SLC9A9: variants seen among roughly 807,000 people sequenced by gnomAD.
The protein encoded by SLC9A9 is sodium/hydrogen exchanger 9.
SLC9A9 carries 62 observed loss-of-function variants against 77.8 expected under a neutral mutation model. The ratio of observed to expected loss-of-function variants is 0.80; its 90% CI spans 0.65 to 0.98. SLC9A9 has a LOEUF of 0.98. Among genes scored for constraint, SLC9A9 ranks in the 50% least tolerant of loss-of-function variants. The probability of loss-of-function intolerance (pLI) is 0.00; values close to 1 mark genes in which losing one functional copy is unlikely to be tolerated. For missense variants in SLC9A9, 775 were observed against 774.9 expected, an observed-to-expected ratio of 1.00 and a Z score of 0.00; for synonymous variants, 320 against 283.5, an observed-to-expected ratio of 1.13 and a Z score of -1.29.
chr3:143,627,020 G>A lies in SLC9A9; in HGVS notation c.755+25235C>T, dbSNP rs147146314. On this transcript the variant is annotated intron_variant, in intron 6 of 15. Transcript: ENST00000316549. ...CCCAAGTAGCTGGGACTACAGGCGT[G>A]CACCACCATGCCTGGCTAATTTTTG... Among the ~76,000 whole-genome samples the A allele has an allele frequency of 4.6e-3, 695 of 151,978 alleles. 2 individuals carry two copies. Among genetic ancestry groups the A allele is most frequent in the African/African-American group, 0.016 (669 of 41,450 alleles).
rs189182339 is a variant in SLC9A9 at position 143,500,868 on chromosome 3, A to G, written c.1090-5420T>C. 2.0e-5 allele frequency among the ~76,000 whole-genome samples: 3 copies of G among 150,588 alleles called. No individual in the cohort carries two copies. In the East Asian group the frequency reaches 5.8e-4, roughly 29 times the overall value. On this transcript the variant is annotated intron_variant, in intron 9 of 15. Coordinates refer to ENST00000316549, the MANE Select transcript of SLC9A9 (RefSeq NM_173653.4). ...AAAATTTGCATTTTATTGTACCACA[A>G]TAAAAATGTATACAATTTAGAACAA...
intron 14 of SLC9A9, among the ~76,000 whole-genome samples, chr3:143,294,774 C>T (rs2030176335): frequency 6.6e-6 from 1 of 152,178 alleles, no homozygotes; most frequent in Non-Finnish European, 1.5e-5. Flanking sequence ...AAATTACTTG[C>T]TTAAGGTCAC....
chr3:143,497,044 T>A (rs2035847700), intron 9 of SLC9A9, among the ~76,000 whole-genome samples: 1 of 152,226 alleles, frequency 6.6e-6, no homozygotes, highest in Non-Finnish European at 1.5e-5. Flanking sequence ...TCTATTATCA[T>A]GATCTAACTC....
chr3:143,379,084 AAC>A (rs1290236088), intron 13 of SLC9A9, among the ~76,000 whole-genome samples: 21 of 151,750 alleles, frequency 1.4e-4, no homozygotes, highest in African/African-American at 4.6e-4. Context: ...TATAATCAGT[AAC>A]AGCTATAACT....
chr3:143,758,825 C>T (rs2007016820), intron 4 of SLC9A9, among the ~76,000 whole-genome samples: 1 of 152,138 alleles, frequency 6.6e-6, no homozygotes, highest in East Asian at 1.9e-4. Flanking sequence ...AATGTAATGT[C>T]TACATTTAAT....
At chr3:143,477,566 C>T (rs988868703) in intron 11 of SLC9A9, among the ~76,000 whole-genome samples, 16 of 151,934 alleles carry the variant, frequency 1.1e-4, no homozygotes, top group African/African-American at 2.9e-4. Flanking sequence ...TTTGAATCAC[C>T]GCCTGTAGGA....
intron 6 of SLC9A9, among the ~76,000 whole-genome samples, chr3:143,650,144 C>T (rs1019551211): frequency 1.3e-5 from 2 of 152,030 alleles, no homozygotes; most frequent in Admixed American, 1.3e-4. Context: ...TCAAAGGCAT[C>T]GAGATACCAC....
chr3:143,840,480 G>C (rs910939035), intron 1 of SLC9A9, among the ~76,000 whole-genome samples: 4 of 152,176 alleles, frequency 2.6e-5, no homozygotes, highest in African/African-American at 9.7e-5. Context: ...CCCACCCATT[G>C]TTTCAACCAT....
chr3:143,777,615 A>G (rs2007733734), intron 4 of SLC9A9, among the ~76,000 whole-genome samples: 1 of 152,162 alleles, frequency 6.6e-6, no homozygotes, highest in Admixed American at 6.5e-5. Context: ...AAAATCTTTG[A>G]ATTGGCCTCC....
intron 4 of SLC9A9, among the ~76,000 whole-genome samples, chr3:143,783,992 A>G (rs1403752940): frequency 6.6e-6 from 1 of 152,220 alleles, no homozygotes; most frequent in East Asian, 1.9e-4. Context: ...AGCCAGACAC[A>G]CACAGATGCA....
At chr3:143,563,182 C>G (rs1340654327) in intron 8 of SLC9A9, among the ~76,000 whole-genome samples, 1 of 152,118 alleles carries the variant, frequency 6.6e-6, no homozygotes, top group Non-Finnish European at 1.5e-5. Flanking sequence ...ATTTAGGAAA[C>G]AGCATGAGGA....
intron 9 of SLC9A9, among the ~76,000 whole-genome samples, chr3:143,513,901 T>C (rs986926249): frequency 6.6e-6 from 1 of 152,204 alleles, no homozygotes; most frequent in African/African-American, 2.4e-5. Flanking sequence ...TTGTTACATA[T>C]GTATACATGT....
At chr3:143,283,195 A>G (rs1331192702) in intron 14 of SLC9A9, among the ~76,000 whole-genome samples, 2 of 152,218 alleles carry the variant, frequency 1.3e-5, no homozygotes, top group Non-Finnish European at 1.5e-5. Flanking sequence ...CTTCTGGGAA[A>G]GGTATTATCT....
chr3:143,817,154 T>G (rs960679099), intron 2 of SLC9A9, among the ~76,000 whole-genome samples: 4 of 150,006 alleles, frequency 2.7e-5, no homozygotes, highest in African/African-American at 7.3e-5. Flanking sequence ...TATTTTTTTT[T>G]TTTTTGAGAC....
chr3:143,327,108 C>T (rs1011095284), intron 14 of SLC9A9, among the ~76,000 whole-genome samples: 10 of 152,158 alleles, frequency 6.6e-5, no homozygotes, highest in African/African-American at 2.2e-4. Flanking sequence ...AAACATAGTC[C>T]TCTAGAGTTT....
chr3:143,720,835 C>T (rs1404352380), intron 4 of SLC9A9, among the ~76,000 whole-genome samples: 1 of 152,210 alleles, frequency 6.6e-6, no homozygotes, highest in Admixed American at 6.5e-5. Context: ...CCCATATTGG[C>T]TGTCTAGGGA....
chr3:143,845,519 AG>A (rs1402697353), intron 1 of SLC9A9, among the ~76,000 whole-genome samples: 2 of 152,226 alleles, frequency 1.3e-5, no homozygotes, highest in Non-Finnish European at 2.9e-5. Context: ...CAGAAAACAC[AG>A]GGAGAGTTCT....
At chr3:143,630,044 C>T (rs1374116969) in intron 6 of SLC9A9, among the ~76,000 whole-genome samples, 3 of 151,222 alleles carry the variant, frequency 2.0e-5, no homozygotes, top group Non-Finnish European at 3.0e-5. Context: ...AATGAAAAAA[C>T]AAAAACATGT....
chr3:143,649,639 C>A (rs1270850015), intron 6 of SLC9A9, among the ~76,000 whole-genome samples: 1 of 152,026 alleles, frequency 6.6e-6, no homozygotes, highest in Non-Finnish European at 1.5e-5. Flanking sequence ...TTCTACAATA[C>A]TATTAAAAGT....
Sources: gnomAD v4.1 joint callset for allele counts (sites outside exome capture counted in the v4.1 genomes callset) on GRCh38, gnomAD v4.1.1 for gene constraint, MANE v1.5 for transcripts, NCBI Gene and HGNC (gene_info 2026-07-23, HGNC 2026-07-21) for gene names.